The following SHCBP1 variants were observed in gnomAD, a reference collection of about 807,000 sequenced individuals.
SHCBP1 encodes SHC SH2 domain-binding protein 1.
Under a neutral mutation model 75.1 loss-of-function variants are expected in SHCBP1, and 60 were observed. The observed-to-expected ratio is 0.80, with a 90% CI of 0.65 to 0.99. SHCBP1 has a LOEUF of 0.99. Among genes scored for constraint, SHCBP1 ranks in the 50% least tolerant of loss-of-function variants. The pLI is 0.00. For missense variants in SHCBP1, 709 were observed against 809.4 expected (o/e 0.88, Z 1.50); for synonymous variants, 290 against 293.2 (o/e 0.99, Z 0.11).
chr16:46,603,974 C>T lies in SHCBP1; in HGVS notation c.1092+1G>A. ...CCTGGAGTGAGAAACTCTCCGTTTACCTGAATTTCTCTTTCTTCCTCACCA... is the reference window on the plus strand; with the variant it reads ...CCTGGAGTGAGAAACTCTCCGTTTATCTGAATTTCTCTTTCTTCCTCACCA... On this transcript the variant is annotated splice_donor_variant, in intron 7 of 12. Coordinates refer to ENST00000303383, the MANE Select transcript of SHCBP1 (RefSeq NM_024745.5). LOFTEE classifies it high-confidence loss of function. 1 of 1,603,556 alleles carries T rather than the reference C, an allele frequency of 6.2e-7. No individual in the cohort carries two copies. The highest frequency in any genetic ancestry group is 1.1e-5 in the South Asian group (1 of 88,706).
chr16:46,600,824 C>T (rs35358329), intron 8 of SHCBP1, among the ~76,000 whole-genome samples: 19,789 of 151,784 alleles, frequency 0.13, 1,542 homozygotes, highest in East Asian at 0.29. Flanking sequence ...AGCAGCCTGG[C>T]CAACATACAG....
chr16:46,582,553 G>C (rs1195735528), intron 12 of SHCBP1, among the ~76,000 whole-genome samples: 4 of 152,242 alleles, frequency 2.6e-5, no homozygotes, highest in Non-Finnish European at 4.4e-5. Flanking sequence ...GCTGAGATGG[G>C]GGGGCCATGA....
intron 4 of SHCBP1, among the ~76,000 whole-genome samples, chr16:46,614,698 G>A (rs961594801): frequency 1.3e-5 from 2 of 151,898 alleles, no homozygotes; most frequent in African/African-American, 4.8e-5. Context: ...ATGTGTATTC[G>A]TCTTTTAGCA....
chr16:46,582,011 C>G lies in SHCBP1; in HGVS notation c.1737G>C (p.Val579=). The G allele has an allele frequency of 6.2e-7, 1 of 1,613,678 alleles. No homozygotes were observed. Among genetic ancestry groups the G allele is most frequent in the Non-Finnish European group, 8.5e-7 (1 of 1,179,814 alleles). The change falls in exon 13 of 13, where the codon GTG becomes GTC. Residue 579 remains valine (V), a synonymous_variant. Coordinates refer to ENST00000303383, the MANE Select transcript of SHCBP1 (RefSeq NM_024745.5). ...GCTCTTCTAGATCCACTCTTTCAGC[C>G]ACATCTGGCTCTCCACTTGTCTGAA... The part of the protein sequence containing the change: ...LKIQTSGEPD[V]AERVDLEELI...
At chr16:46,618,526 TC>T (rs1965538457) in intron 1 of SHCBP1, among the ~76,000 whole-genome samples, 154 bp from the exon 2 acceptor site, 1 of 152,238 alleles carries the variant, frequency 6.6e-6, no homozygotes, top group African/African-American at 2.4e-5. Context: ...AAACTAGTTT[TC>T]CAAACTTAAA....
rs7185538 is a variant in SHCBP1, at chr16:46,581,305, G to A, written c.*424C>T. On this transcript the variant is annotated 3_prime_UTR_variant, in exon 13 of 13. Transcript: ENST00000303383. ...TTATGCAAATACAGGATGGAAATCA[G>A]ACTCACTGTAATTGGGATGAAAAGG... 6.3e-6 allele frequency: 1 copy of A among 158,408 alleles called. No homozygotes were observed. The highest frequency in any genetic ancestry group is 1.4e-5 in the Non-Finnish European group (1 of 72,062). 9.8% of individuals were successfully genotyped at this position (158,408 alleles called of 1,614,324 possible).
chr16:46,581,754 C>T lies in SHCBP1; in HGVS notation c.1994G>A (p.Gly665Asp), dbSNP rs746348166. The change falls in exon 13 of 13, where the codon GGT (glycine) becomes GAT (aspartate). Residue 665 changes from glycine (G) to aspartate (D), a missense_variant. Coordinates refer to ENST00000303383, the MANE Select transcript of SHCBP1 (RefSeq NM_024745.5). Reference sequence around the variant, plus strand: ...TCAGAAAAGAAATGTGCCAAAACTACCTTTCCCATTCCACTTGAACTGGTT... The same window carrying T: ...TCAGAAAAGAAATGTGCCAAAACTATCTTTCCCATTCCACTTGAACTGGTT... ...VGNQFKWNGK[G>D]SFGTFLF 1 of 1,613,814 alleles carries T rather than the reference C, an allele frequency of 6.2e-7. No homozygotes were observed. Among genetic ancestry groups the T allele is most frequent in the South Asian group, 1.1e-5 (1 of 91,042 alleles).
At chr16:46,598,789 T>C (rs552581625) in intron 9 of SHCBP1, among the ~76,000 whole-genome samples, 1 of 152,380 alleles carries the variant, frequency 6.6e-6, no homozygotes, top group Non-Finnish European at 1.5e-5. Context: ...TCATCTACAC[T>C]GAAAATGTGT....
chr16:46,612,795 T>A (rs1567453388), intron 4 of SHCBP1, among the ~76,000 whole-genome samples: 1 of 152,116 alleles, frequency 6.6e-6, no homozygotes, highest in Non-Finnish European at 1.5e-5. Context: ...CATTTACACA[T>A]CATTCCCTTC....
At chr16:46,599,688 A>AAAAAAAAAAAAAAAAATAAC (rs55869621) in intron 9 of SHCBP1, 143 bp downstream of exon 9, 1 of 74,240 alleles carries the variant, frequency 1.3e-5, no homozygotes, top group Non-Finnish European at 2.4e-5. Context: ...AAAAAAAAAA[A>AAAAAAAAAAAAAAAAATAAC]AAAACTCAGC....
In SHCBP1 at chr16:46,603,679, C is replaced by T. The variant is rs540293114; in HGVS notation, c.1093-20G>A. The stretch of plus-strand genomic sequence containing the variant: ...ATGGAACTAGAAAACAATAAGAACA[C>T]ATTTGTAAATATACACTCCCAAAAA... On this transcript the variant is annotated intron_variant, in intron 7 of 12. Transcript: ENST00000303383. 278 of 1,613,720 alleles carry T rather than the reference C, an allele frequency of 1.7e-4. 2 individuals carry two copies. In the South Asian group the frequency reaches 2.8e-3, roughly 16 times the overall value.
intron 7 of SHCBP1, 126 bp downstream of exon 7, chr16:46,603,849 T>A: frequency 7.5e-7 from 1 of 1,334,082 alleles, no homozygotes; most frequent in Non-Finnish European, 1.0e-6. Flanking sequence ...GGCAGGGCTC[T>A]CACTACTTCC....
intron 9 of SHCBP1, among the ~76,000 whole-genome samples, chr16:46,598,012 T>C (rs776774337): frequency 6.6e-6 from 1 of 152,238 alleles, no homozygotes; most frequent in Non-Finnish European, 1.5e-5. Flanking sequence ...CAGTCACGTC[T>C]TGAGGTTCTA....
rs1039409992 is a variant in SHCBP1, at chr16:46,605,948, C to T, written c.690-1487G>A. ...TCTACTTTGGTTAATCCGAAAGAAA[C>T]TGAGTGAACAGCTGTGAAAAAAAAA... On this transcript the variant is annotated intron_variant, in intron 5 of 12. Transcript: ENST00000303383. Among the ~76,000 whole-genome samples, 13 of 140,908 alleles carry T rather than the reference C, an allele frequency of 9.2e-5. No homozygotes were observed. The Admixed American group carries it at 9.4e-4, about 10-fold the overall frequency. 92.4% of individuals were successfully genotyped at this position (140,908 alleles called of 152,430 possible).
Position 46,603,887 on chromosome 16 carries a change from C to T in SHCBP1, c.1092+88G>A. ...TGCACAGAAAACCGTCTTGGGAAAGCTCCTGTAAATACTTTGTGGGATTTG... is the reference window on the plus strand; with the variant it reads ...TGCACAGAAAACCGTCTTGGGAAAGTTCCTGTAAATACTTTGTGGGATTTG... On this transcript the variant is annotated intron_variant, in intron 7 of 12. Transcript: ENST00000303383. The T allele has an allele frequency of 1.2e-5, 18 of 1,498,364 alleles. No homozygotes were observed. The South Asian group carries it at 2.4e-4, about 20-fold the overall frequency. 92.8% of individuals were successfully genotyped at this position (1,498,364 alleles called of 1,614,324 possible). A position where few individuals can be genotyped will look rare whatever the true frequency, so the allele number is the denominator to read the frequency against.
At position 46,581,791 on chromosome 16, in the gene SHCBP1, CAACA is replaced by C; in HGVS notation, c.1953_1956del (p.Phe651LeufsTer29). The C allele has an allele frequency of 1.2e-6, 2 of 1,614,174 alleles. No homozygotes were observed. The highest frequency in any genetic ancestry group is 1.7e-6 in the Non-Finnish European group (2 of 1,180,028). On this transcript the variant is annotated frameshift_variant, in exon 13 of 13. Coordinates refer to ENST00000303383, the MANE Select transcript of SHCBP1 (RefSeq NM_024745.5). LOFTEE classifies it high-confidence loss of function. ...CACTTGAACTGGTTCCCCACAATCC[CAACA>C]AACATCTCCTGTGACATTAAGTTGT...
chr16:46,594,398 AAAG>A (rs1477747168), intron 10 of SHCBP1, among the ~76,000 whole-genome samples: 1 of 152,214 alleles, frequency 6.6e-6, no homozygotes, highest in Non-Finnish European at 1.5e-5. Context: ...CCTCTACAGT[AAAG>A]AAGAACAAAC....
chr16:46,621,167 A>G, intron 1 of SHCBP1, 90 bp downstream of exon 1: 2 of 1,203,426 alleles, frequency 1.7e-6, no homozygotes, highest in South Asian at 1.5e-5. Context: ...ACGGGTCCGG[A>G]AGGCCCGCGA....
chr16:46,594,346 T>C (rs530692273), intron 10 of SHCBP1, among the ~76,000 whole-genome samples: 1 of 152,194 alleles, frequency 6.6e-6, no homozygotes, highest in African/African-American at 2.4e-5. Flanking sequence ...ACCACATACC[T>C]GACAACGGAC....
Sources: allele counts gnomAD v4.1 joint callset (sites outside exome capture counted in the v4.1 genomes callset), GRCh38; gene constraint gnomAD v4.1.1; transcripts MANE v1.5; gene names NCBI Gene and HGNC (gene_info 2026-07-23, HGNC 2026-07-21).